The following FAM193A variants were observed in gnomAD, a reference collection of about 807,000 sequenced individuals.
The protein encoded by FAM193A is protein FAM193A.
A neutral mutation model predicts 126.5 loss-of-function variants in FAM193A; 22 were observed. That is an observed-to-expected ratio of 0.17 (90% CI 0.12 to 0.25). FAM193A has a LOEUF of 0.25. FAM193A is among the 10% of genes least tolerant of loss of function. The pLI is 1.00. For missense variants in FAM193A, 1,675 were observed against 1,672.8 expected (o/e 1.00, Z -0.02); for synonymous variants, 761 against 646.8 (o/e 1.18, Z -2.68).
At chr4:2,697,312 T>C (rs746494876) in intron 18 of FAM193A, among the ~76,000 whole-genome samples, 51 of 152,098 alleles carry the variant, frequency 3.4e-4, no homozygotes, top group Non-Finnish European at 7.1e-4. Flanking sequence ...GCCGAGATTA[T>C]GCCACTGCCC....
chr4:2,681,580 C>T (rs1402721802), intron 13 of FAM193A, among the ~76,000 whole-genome samples: 1 of 151,988 alleles, frequency 6.6e-6, no homozygotes. Flanking sequence ...AGTCTCGTAG[C>T]TTGGACTACA....
At chr4:2,684,455 A>C (rs1308056281) in intron 13 of FAM193A, among the ~76,000 whole-genome samples, 1 of 151,120 alleles carries the variant, frequency 6.6e-6, no homozygotes, top group Non-Finnish European at 1.5e-5. Context: ...AGCATTTCAC[A>C]CATAGTTACT....
rs1451246404 is a variant in FAM193A at position 2,659,861 on chromosome 4, A to G, written c.1552A>G (p.Met518Val). 5 of 1,614,122 alleles carry G rather than the reference A, an allele frequency of 3.1e-6. No individual in the cohort carries two copies. The highest frequency in any genetic ancestry group is 1.6e-4 in the Middle Eastern group (1 of 6,062). The change falls in exon 10 of 21, where the codon ATG (methionine) becomes GTG (valine). Residue 518 changes from methionine to valine, a missense_variant. Physicochemically the swap from Met to Val is conservative, Grantham distance 21. Around this residue, in one of 4 missense-constraint regions of FAM193A, gnomAD observed 1,186 missense variants for 1,109.2 expected, o/e 1.07. Transcript: ENST00000637812. ...SLSHILTCGIMDPPVTDDIHI... is the reference protein window; with the variant it reads ...SLSHILTCGIVDPPVTDDIHI... ...CTCACACATCCTCACGTGTGGTATC[A>G]TGGACCCCCCCGTCACTGATGACAT... is the stretch of plus-strand genomic sequence containing the variant.
intron 1 of FAM193A, among the ~76,000 whole-genome samples, chr4:2,589,021 G>A (rs1740381561): frequency 6.6e-6 from 1 of 152,198 alleles, no homozygotes; most frequent in South Asian, 2.1e-4. Context: ...GTAGATATTT[G>A]TGCTGTCCCA....
At chr4:2,585,381 G>A (rs571197676) in intron 1 of FAM193A, among the ~76,000 whole-genome samples, 2 of 152,268 alleles carry the variant, frequency 1.3e-5, no homozygotes, top group Middle Eastern at 6.8e-3. Flanking sequence ...TTTTGGCTGA[G>A]CGTGGGTTTT....
chr4:2,663,516 G>A (rs1246987758), intron 12 of FAM193A, among the ~76,000 whole-genome samples: 1 of 151,888 alleles, frequency 6.6e-6, no homozygotes, highest in African/African-American at 2.4e-5. Flanking sequence ...GGCCTTTTTT[G>A]TCTGTATAGA....
At chr4:2,673,611 G>A (rs935751850) in intron 13 of FAM193A, among the ~76,000 whole-genome samples, 5 of 152,106 alleles carry the variant, frequency 3.3e-5, no homozygotes, top group African/African-American at 1.2e-4. Context: ...CAGGTATGTA[G>A]TCAGAACCAG....
intron 1 of FAM193A, among the ~76,000 whole-genome samples, chr4:2,540,972 CAA>C (rs369952404): frequency 0.045 from 3,943 of 86,684 alleles, 190 homozygotes; most frequent in African/African-American, 0.15. Context: ...AAATCCGTCT[CAA>C]AAAAAAAAAA....
intron 4 of FAM193A, 87 bp from the exon 5 acceptor site, chr4:2,630,848 G>T: frequency 1.4e-6 from 1 of 733,228 alleles, no homozygotes; most frequent in East Asian, 2.6e-5. Flanking sequence ...GGCCACCTGT[G>T]GAAGGGCTTC....
At chr4:2,599,084 C>G (rs1741041540) in intron 2 of FAM193A, among the ~76,000 whole-genome samples, 1 of 152,292 alleles carries the variant, frequency 6.6e-6, no homozygotes, top group East Asian at 1.9e-4. Flanking sequence ...TTCCTCTCTG[C>G]TAGTGGATTA....
intron 13 of FAM193A, among the ~76,000 whole-genome samples, chr4:2,681,152 G>A (rs192953349): frequency 6.6e-6 from 1 of 151,788 alleles, no homozygotes; most frequent in Admixed American, 6.6e-5. Context: ...ACCACTCCCA[G>A]CCCCTTTTAT....
intron 1 of FAM193A, among the ~76,000 whole-genome samples, chr4:2,559,168 C>T (rs1229479302): frequency 2.0e-5 from 3 of 152,174 alleles, no homozygotes; most frequent in Non-Finnish European, 4.4e-5. Context: ...TTACAGATGT[C>T]CACACCTGTA....
chr4:2,583,989 T>C (rs1290572829), intron 1 of FAM193A, among the ~76,000 whole-genome samples: 1 of 152,214 alleles, frequency 6.6e-6, no homozygotes, highest in Non-Finnish European at 1.5e-5. Context: ...TTTACCAATT[T>C]TTTTAATGAT....
intron 2 of FAM193A, among the ~76,000 whole-genome samples, chr4:2,598,598 G>T (rs1741006317): frequency 6.6e-6 from 1 of 152,226 alleles, no homozygotes; most frequent in African/African-American, 2.4e-5. Flanking sequence ...CTTTCTGGAA[G>T]ACTGTGTTAG....
At chr4:2,639,188 C>T (rs965745009) in intron 5 of FAM193A, among the ~76,000 whole-genome samples, 4 of 152,064 alleles carry the variant, frequency 2.6e-5, no homozygotes, top group Non-Finnish European at 4.4e-5. Flanking sequence ...TCTAGGTTTT[C>T]GTGGTATTAT....
intron 10 of FAM193A, 21 bp from the exon 11 acceptor site, chr4:2,662,817 G>T: frequency 1.3e-6 from 2 of 1,595,238 alleles, no homozygotes; most frequent in South Asian, 2.2e-5. Flanking sequence ...ACCTCACAGT[G>T]ACCATCTCTG....
At chr4:2,553,597 T>G (rs1330003130) in intron 1 of FAM193A, among the ~76,000 whole-genome samples, 7 of 152,064 alleles carry the variant, frequency 4.6e-5, no homozygotes, top group Non-Finnish European at 1.0e-4. Flanking sequence ...GCCAGGTTGG[T>G]CTCCATCTCT....
At chr4:2,627,994 G>A (rs1743149494) in intron 4 of FAM193A, among the ~76,000 whole-genome samples, 1 of 151,854 alleles carries the variant, frequency 6.6e-6, no homozygotes. Context: ...TGCCCGCCTC[G>A]GCCTCCCAAA....
At chr4:2,564,923 A>G (rs956194115) in intron 1 of FAM193A, among the ~76,000 whole-genome samples, 1 of 152,078 alleles carries the variant, frequency 6.6e-6, no homozygotes, top group African/African-American at 2.4e-5. Flanking sequence ...ATCCTGCCCC[A>G]GAGTAGCTGA....
Sources: gnomAD v4.1 joint callset for allele counts (sites outside exome capture counted in the v4.1 genomes callset) on GRCh38, gnomAD v4.1.1 for gene constraint, gnomAD v4.1.1 regional missense constraint, MANE v1.5 for transcripts, NCBI Gene and HGNC (gene_info 2026-07-23, HGNC 2026-07-21) for gene names.